The following SPTBN5 variants were observed in gnomAD, a reference collection of about 807,000 sequenced individuals.
SPTBN5 encodes spectrin beta, non-erythrocytic 5.
Under a neutral mutation model 477.6 loss-of-function variants are expected in SPTBN5, and 513 were observed. The ratio of observed to expected loss-of-function variants is 1.07; its 90% CI spans 1.00 to 1.16. SPTBN5 has a LOEUF of 1.16. Among genes scored for constraint, SPTBN5 ranks in the 50% most tolerant of loss-of-function variants. The probability of loss-of-function intolerance (pLI) is 0.00; values close to 1 mark genes in which losing one functional copy is unlikely to be tolerated. For missense variants in SPTBN5, 5,062 were observed against 4,731.8 expected, an observed-to-expected ratio of 1.07 and a Z score of -2.05; for synonymous variants, 2,169 against 2,011.7, an observed-to-expected ratio of 1.08 and a Z score of -2.09.
intron 67 of SPTBN5, among the ~76,000 whole-genome samples, chr15:41,849,330 C>T (rs1002522359): frequency 6.6e-5 from 10 of 152,338 alleles, no homozygotes; most frequent in African/African-American, 2.2e-4. Flanking sequence ...GCATCTCCTC[C>T]CTGGCCTGCA....
chr15:41,888,704 G>A (rs1320342049), intron 4 of SPTBN5, among the ~76,000 whole-genome samples: 1 of 152,204 alleles, frequency 6.6e-6, no homozygotes, highest in African/African-American at 2.4e-5. Context: ...TAAATAATCT[G>A]CCTGCCTTGG....
Position 41,854,138 on chromosome 15 carries a change from T to A in SPTBN5, c.9686A>T (p.Gln3229Leu). Reference sequence around the variant, plus strand: ...CCCCTTCATCAGGGCCGTCTTCTCCTGCATCCTTCCCTGGAGCTCAGCTGC... The same window carrying A: ...CCCCTTCATCAGGGCCGTCTTCTCCAGCATCCTTCCCTGGAGCTCAGCTGC... ...QAAAELQGRM[Q>L]EKTALMKGED... The change falls in exon 57 of 68, where the codon CAG becomes CTG. Residue 3229 changes from glutamine (Q) to leucine (L), a missense_variant. Gln to Leu is a moderately radical substitution (Grantham distance 113, BLOSUM62 -2). Coordinates refer to ENST00000320955, the MANE Select transcript of SPTBN5 (RefSeq NM_016642.4). 6.3e-7 allele frequency: 1 copy of A among 1,594,972 alleles called. No individual in the cohort carries two copies. Among genetic ancestry groups the A allele is most frequent in the Non-Finnish European group, 8.5e-7 (1 of 1,171,236 alleles).
At chr15:41,853,063 G>T (rs910032751) in intron 59 of SPTBN5, 63 bp from the exon 60 acceptor site, 10 of 1,456,594 alleles carry the variant, frequency 6.9e-6, no homozygotes, top group Non-Finnish European at 8.2e-6. Flanking sequence ...GGCAGGGCAG[G>T]GCTGGAGAGC....
chr15:41,873,303 C>A (rs1408318318), intron 26 of SPTBN5, among the ~76,000 whole-genome samples, 189 bp downstream of exon 26: 1 of 152,130 alleles, frequency 6.6e-6, no homozygotes, highest in Non-Finnish European at 1.5e-5. Flanking sequence ...GCGTGTACAT[C>A]ACAGTGCCCA....
intron 7 of SPTBN5, among the ~76,000 whole-genome samples, chr15:41,883,986 T>A (rs906783319): frequency 1.3e-5 from 2 of 151,030 alleles, no homozygotes; most frequent in East Asian, 2.0e-4. Flanking sequence ...TATTTTTATT[T>A]TTTATTTATT....
At chr15:41,853,153 A>G in intron 59 of SPTBN5, 105 bp downstream of exon 59, 1 of 1,493,722 alleles carries the variant, frequency 6.7e-7, no homozygotes, top group Non-Finnish European at 9.0e-7. Flanking sequence ...GCCTGCGCCC[A>G]GCCTTCCTTT....
Position 41,855,526 on chromosome 15 carries a change from C to G in SPTBN5, c.9218+23G>C, listed in dbSNP as rs376447400. 3 of 1,604,200 alleles carry G rather than the reference C, an allele frequency of 1.9e-6. No individual in the cohort carries two copies. The Admixed American group carries it at 5.0e-5, about 27-fold the overall frequency. The stretch of plus-strand genomic sequence containing the variant: ...TAGGGGGCTTCTCTCTGCTCCTTCG[C>G]GGATGGTGTGGCTTCCGCCCACCTT... On this transcript the variant is annotated intron_variant, in intron 54 of 67. Coordinates refer to ENST00000320955, the MANE Select transcript of SPTBN5 (RefSeq NM_016642.4).
Position 41,852,184 on chromosome 15 carries a change from G to C in SPTBN5, c.10582C>G (p.Gln3528Glu). 1 of 1,590,662 alleles carries C rather than the reference G, an allele frequency of 6.3e-7. No homozygotes were observed. The highest frequency in any genetic ancestry group is 1.8e-4 in the Middle Eastern group (1 of 5,518). ...GAQLAETRDP[Q>E]DAKGTPTMEG... ...TGCAGCCCCATAGGGACACCTGCCT[G>C]GGGGTCCCTCGTCTCAGCCAGCTGT... The change falls in exon 62 of 68, where the codon CAG (glutamine) becomes GAG (glutamate). Residue 3528 changes from glutamine (Q) to glutamate (E), a missense_variant and splice_region_variant. Physicochemically the swap from Gln to Glu is conservative, Grantham distance 29. Transcript: ENST00000320955.
rs987409076 is a variant in SPTBN5 at position 41,867,622 on chromosome 15, G to A, written c.6228C>T (p.Ala2076=). 6.2e-6 allele frequency: 10 copies of A among 1,613,690 alleles called. No individual in the cohort carries two copies. The highest frequency in any genetic ancestry group is 8.5e-6 in the Non-Finnish European group (10 of 1,179,890). Residue 2076 remains alanine, a synonymous_variant, in exon 35 of 68, where the codon GCC becomes GCT. Coordinates refer to ENST00000320955, the MANE Select transcript of SPTBN5 (RefSeq NM_016642.4). Reference sequence around the variant, plus strand: ...CTACCTCTTCCACCGAGCTCCCCAAGGCACTGGTTTTCAGGGAGACCTGGA... The same window carrying A: ...CTACCTCTTCCACCGAGCTCCCCAAAGCACTGGTTTTCAGGGAGACCTGGA... ...AAQEVSLKTS[A]LGSSVEEVEQ...
intron 61 of SPTBN5, 147 bp downstream of exon 61, chr15:41,852,487 G>T: frequency 7.8e-7 from 1 of 1,277,328 alleles, no homozygotes; most frequent in African/African-American, 1.5e-5. Context: ...CCACAATGGT[G>T]CCTCTCCCAC....
intron 47 of SPTBN5, among the ~76,000 whole-genome samples, chr15:41,860,142 C>T (rs929487724): frequency 5.3e-5 from 8 of 152,194 alleles, no homozygotes; most frequent in South Asian, 2.1e-4. Flanking sequence ...ACAGTGCTTT[C>T]GTCCTCATCA....
In SPTBN5 at chr15:41,882,982, G is replaced by T; in HGVS notation, c.1892+14C>A. On this transcript the variant is annotated intron_variant, in intron 9 of 67. Transcript: ENST00000320955. ...AGTTCTGGGAAAGGTGGAAGAGTTG[G>T]GGCAGGCTCTTACCGGGCCCTGACA... is the stretch of plus-strand genomic sequence containing the variant. 6.5e-7 allele frequency: 1 copy of T among 1,530,514 alleles called. No individual in the cohort carries two copies. Among genetic ancestry groups the T allele is most frequent in the Non-Finnish European group, 8.8e-7 (1 of 1,140,906 alleles). 94.8% of individuals were successfully genotyped at this position (1,530,514 alleles called of 1,614,324 possible).
intron 63 of SPTBN5, 84 bp from the exon 64 acceptor site, chr15:41,851,453 G>A (rs1301554858): frequency 2.6e-5 from 26 of 1,014,342 alleles, no homozygotes; most frequent in Non-Finnish European, 3.7e-5. Context: ...CATGTGTGTG[G>A]AGCTTCCCAG....
In SPTBN5 at chr15:41,860,688, G is replaced by A. The variant is rs546898925; in HGVS notation, c.7886C>T (p.Ala2629Val). ...KMLEWDLEVQ[A>V]GKISALEATA... Reference sequence around the variant, plus strand: ...GGCCTCCAGAGCACTGATCTTTCCCGCCTGCACCTCCAGGTCCCACTCCAG... The same window carrying A: ...GGCCTCCAGAGCACTGATCTTTCCCACCTGCACCTCCAGGTCCCACTCCAG... The change falls in exon 47 of 68, where the codon GCG becomes GTG. Residue 2629 changes from alanine (A) to valine (V), a missense_variant. By Grantham distance (64) the Ala-to-Val change is moderately conservative. Coordinates refer to ENST00000320955, the MANE Select transcript of SPTBN5 (RefSeq NM_016642.4). 7.5e-5 allele frequency: 120 copies of A among 1,593,408 alleles called. 1 individual carries two copies. In the South Asian group the frequency reaches 1.0e-3, roughly 14 times the overall value.
At chr15:41,865,676 C>G (rs967719338) in intron 39 of SPTBN5, 132 bp downstream of exon 39, 13 of 787,742 alleles carry the variant, frequency 1.7e-5, no homozygotes, top group Middle Eastern at 3.8e-4. Context: ...GAGGAGGGAG[C>G]CTGCCCGAGG....
chr15:41,849,323 T>A (rs2065668634), intron 67 of SPTBN5, among the ~76,000 whole-genome samples: 1 of 152,126 alleles, frequency 6.6e-6, no homozygotes, highest in Non-Finnish European at 1.5e-5. Context: ...CACCTTCGCA[T>A]CTCCTCCCTG....
Position 41,893,388 on chromosome 15 carries a change from T to C in SPTBN5, c.110A>G (p.Asp37Gly), listed in dbSNP as rs1463954571. The change falls in exon 2 of 68, where the codon GAC (aspartate) becomes GGC (glycine). Residue 37 changes from aspartate to glycine, a missense_variant. Coordinates refer to ENST00000320955, the MANE Select transcript of SPTBN5 (RefSeq NM_016642.4). ...RVPPSPSLTM[D>G]SQYETGHIRK... Reference sequence around the variant, plus strand: ...AATGTGGCCCGTCTCGTACTGAGAGTCCATGGTGAGACTTGGACTGGGCGG... The same window carrying C: ...AATGTGGCCCGTCTCGTACTGAGAGCCCATGGTGAGACTTGGACTGGGCGG... 1 of 1,613,504 alleles carries C rather than the reference T, an allele frequency of 6.2e-7. No homozygotes were observed. Among genetic ancestry groups the C allele is most frequent in the Non-Finnish European group, 8.5e-7 (1 of 1,179,788 alleles).
At position 41,862,574 on chromosome 15, in the gene SPTBN5, C is replaced by G; in HGVS notation, c.7350G>C (p.Glu2450Asp). The part of the protein sequence containing the change: ...GLRHRQQEVA[E>D]SWWQLRSRAQ... Reference sequence around the variant, plus strand: ...CCCTGCTCCGGAGCTGCCACCAGCTCTCAGCCACCTCCTGCTGCCTGTGCC... The same window carrying G: ...CCCTGCTCCGGAGCTGCCACCAGCTGTCAGCCACCTCCTGCTGCCTGTGCC... Residue 2450 changes from glutamate (E) to aspartate (D), a missense_variant, in exon 43 of 68, where the codon GAG becomes GAC. Glu to Asp is a conservative substitution (Grantham distance 45). Transcript: ENST00000320955. 1 of 1,559,930 alleles carries G rather than the reference C, an allele frequency of 6.4e-7. No individual in the cohort carries two copies. The highest frequency in any genetic ancestry group is 1.2e-5 in the South Asian group (1 of 84,880).
rs765699765 is a variant in SPTBN5, at chr15:41,851,792, G to A, written c.10643C>T (p.Pro3548Leu). ...CCAGGCACTCACCTGCCTCCCGCCA[G>A]GCAGCAGGTGCTGCTTGAACTCCAA... ...GSLEFKQHLL[P>L]GGRQPSSSSW... is the part of the protein sequence containing the mutation. The change falls in exon 63 of 68, where the codon CCT (proline) becomes CTT (leucine). Residue 3548 changes from proline to leucine, a missense_variant. Pro to Leu is a moderately conservative substitution (Grantham distance 98). Coordinates refer to ENST00000320955, the MANE Select transcript of SPTBN5 (RefSeq NM_016642.4). 10 of 1,609,970 alleles carry A rather than the reference G, an allele frequency of 6.2e-6. No individual in the cohort carries two copies. The highest frequency in any genetic ancestry group is 6.8e-6 in the Non-Finnish European group (8 of 1,179,120).
Sources: allele counts gnomAD v4.1 joint callset (sites outside exome capture counted in the v4.1 genomes callset), GRCh38; gene constraint gnomAD v4.1.1; transcripts MANE v1.5; gene names NCBI Gene and HGNC (gene_info 2026-07-23, HGNC 2026-07-21).